Variants in MAEL observed in about 807,000 individuals in gnomAD.
The protein encoded by MAEL is protein maelstrom homolog.
A neutral mutation model predicts 62.0 loss-of-function variants in MAEL; 46 were observed. That is an observed-to-expected ratio of 0.74 (90% confidence interval 0.59 to 0.95). The LOEUF (loss-of-function observed/expected upper bound fraction) is 0.95. Ranked by LOEUF, MAEL falls within the 40% of genes least tolerant of loss-of-function variation. The pLI, the probability that MAEL is intolerant of heterozygous loss-of-function variation, is 0.00. For synonymous variants in MAEL, 172 were observed against 175.5 expected (o/e 0.98, Z 0.16); for missense variants, 497 against 526.8 (o/e 0.94, Z 0.55).
At chr1:166,985,347 T>C (rs1663880532), upstream of MAEL, among the ~76,000 whole-genome samples, 1 of 152,084 alleles carries the variant, frequency 6.6e-6, no homozygotes, top group African/African-American at 2.4e-5. Flanking sequence ...TCTGGAGATA[T>C]GGTAAGGATC....
intron 5 of MAEL, among the ~76,000 whole-genome samples, chr1:167,003,111 G>A (rs2102093731): frequency 6.6e-6 from 1 of 152,234 alleles, no homozygotes; most frequent in South Asian, 2.1e-4. Flanking sequence ...AAAGGGGAAT[G>A]GAGTTCTTGC....
chr1:167,004,668 CA>C (rs1349654890), intron 6 of MAEL, among the ~76,000 whole-genome samples: 1 of 152,180 alleles, frequency 6.6e-6, no homozygotes, highest in Non-Finnish European at 1.5e-5. Context: ...GTCTTTGTAG[CA>C]ATCCCTTCCT....
intron 8 of MAEL, among the ~76,000 whole-genome samples, chr1:167,015,873 A>AT (rs976099970): frequency 6.6e-6 from 1 of 152,084 alleles, no homozygotes; most frequent in African/African-American, 2.4e-5. Context: ...AATAATTTCT[A>AT]TTTTTTCAAT....
intron 1 of MAEL, among the ~76,000 whole-genome samples, chr1:166,981,550 T>TATA (rs550625333): frequency 6.6e-6 from 1 of 152,082 alleles, no homozygotes; most frequent in Non-Finnish European, 1.5e-5. Context: ...GGGCCTGTAT[T>TATA]AGGACATGTA....
chr1:167,022,101 C>A lies in MAEL; in HGVS notation c.*246C>A. The stretch of plus-strand genomic sequence containing the variant: ...TGGGTATATCATTAAAGTTTGGAGT[C>A]CTATATGAACAAAACTGACATTTTT... On this transcript the variant is annotated 3_prime_UTR_variant, in exon 12 of 12. Transcript: ENST00000367872. The A allele has an allele frequency of 2.7e-6, 1 of 370,242 alleles. No homozygotes were observed. Among genetic ancestry groups the A allele is most frequent in the South Asian group, 5.9e-5 (1 of 16,876 alleles). 22.9% of individuals were successfully genotyped at this position (370,242 alleles called of 1,614,324 possible).
intron 1 of MAEL, among the ~76,000 whole-genome samples, chr1:166,979,273 T>C (rs1571230118): frequency 6.6e-6 from 1 of 152,100 alleles, no homozygotes; most frequent in African/African-American, 2.4e-5. Flanking sequence ...GTAAGTTTGG[T>C]CCATCTTTTT....
chr1:167,018,494 CT>C (rs1665488349), intron 10 of MAEL, among the ~76,000 whole-genome samples: 1 of 151,990 alleles, frequency 6.6e-6, no homozygotes, highest in Non-Finnish European at 1.5e-5. Flanking sequence ...ATGCACAATA[CT>C]TGAACTGTCT....
chr1:166,986,765 G>A (rs182542372), upstream of MAEL, among the ~76,000 whole-genome samples: 30 of 152,194 alleles, frequency 2.0e-4, 1 homozygote, highest in South Asian at 2.3e-3. Context: ...ACAGCCTGAA[G>A]TAGAAAGAAG....
intron 6 of MAEL, among the ~76,000 whole-genome samples, 182 bp downstream of exon 6, chr1:167,004,486 G>A (rs1307235670): frequency 6.9e-6 from 1 of 145,096 alleles, no homozygotes; most frequent in East Asian, 1.9e-4. Context: ...TCCAATTTTG[G>A]AGGGATTTTG....
At chr1:167,005,843 T>G (rs898763360) in intron 8 of MAEL, 3 of 152,526 alleles carry the variant, frequency 2.0e-5, no homozygotes, top group Non-Finnish European at 4.4e-5. Context: ...TTCTTTATAA[T>G]TTTGTTTCTA....
Position 167,021,888 on chromosome 1 carries a change from A to T in MAEL, c.*33A>T, listed in dbSNP as rs1172658306. The stretch of plus-strand genomic sequence containing the variant: ...ACTCTTTTCAATTTCTGAAAACAGT[A>T]ACAGGCCCAACTTCCTTCTTACTAC... On this transcript the variant is annotated 3_prime_UTR_variant, in exon 12 of 12. Transcript: ENST00000367872. The T allele has an allele frequency of 4.9e-6, 7 of 1,426,088 alleles. No homozygotes were observed. Among genetic ancestry groups the T allele is most frequent in the African/African-American group, 1.4e-5 (1 of 70,856 alleles). 88.3% of individuals were successfully genotyped at this position (1,426,088 alleles called of 1,614,324 possible).
Position 166,989,443 on chromosome 1 carries a change from C to T in MAEL, c.91C>T (p.Arg31Cys), listed in dbSNP as rs141032216. Reference sequence around the variant, plus strand: ...ACGGCGACGAGGCCTGCCTGTGGCTCGCGTTGCTGATGCCATCCCTTACTG... The same window carrying T: ...ACGGCGACGAGGCCTGCCTGTGGCTTGCGTTGCTGATGCCATCCCTTACTG... Reference protein sequence around the residue: ...ELRRRGLPVARVADAIPYCSS... With the variant: ...ELRRRGLPVACVADAIPYCSS... Residue 31 changes from arginine to cysteine, a missense_variant, in exon 1 of 12, where the codon CGC becomes TGC. Coordinates refer to ENST00000367872, the MANE Select transcript of MAEL (RefSeq NM_032858.3). The T allele has an allele frequency of 2.1e-5, 34 of 1,591,530 alleles. No individual in the cohort carries two copies. Among genetic ancestry groups the T allele is most frequent in the South Asian group, 5.7e-5 (5 of 87,542 alleles).
intron 3 of MAEL, 100 bp downstream of exon 3, chr1:166,991,577 C>T: frequency 1.4e-6 from 1 of 711,466 alleles, no homozygotes. Context: ...TCCTCCGTTT[C>T]AAAGTAAATA....
At chr1:166,986,584 T>C (rs545226240), upstream of MAEL, among the ~76,000 whole-genome samples, 6 of 152,100 alleles carry the variant, frequency 3.9e-5, no homozygotes, top group African/African-American at 1.4e-4. Flanking sequence ...AACAGCAGAA[T>C]GAAGAAAAAT....
At chr1:167,016,389 C>T in intron 9 of MAEL, 105 bp downstream of exon 9, 1 of 1,012,214 alleles carries the variant, frequency 9.9e-7, no homozygotes, top group Non-Finnish European at 1.5e-6. Context: ...TCTGTTTCCA[C>T]AATGCTCTTT....
At chr1:167,001,943 G>A (rs1026558998) in intron 5 of MAEL, among the ~76,000 whole-genome samples, 3 of 152,116 alleles carry the variant, frequency 2.0e-5, no homozygotes, top group Admixed American at 2.0e-4. Flanking sequence ...CACACGCCCA[G>A]CTAATTTTTG....
chr1:167,010,887 T>C (rs1665144837), intron 8 of MAEL, among the ~76,000 whole-genome samples: 1 of 152,218 alleles, frequency 6.6e-6, no homozygotes, highest in Non-Finnish European at 1.5e-5. Context: ...AGAACCTTCC[T>C]CTCTGTCAAT....
rs535053464 is a variant in MAEL, at chr1:166,995,418, T to C, written c.523+1349T>C. 2.6e-5 allele frequency among the ~76,000 whole-genome samples: 4 copies of C among 152,246 alleles called. No homozygotes were observed. The East Asian group carries it at 7.7e-4, about 29-fold the overall frequency. ...CCACACCCGGCTACTTTTGTATTTT[T>C]TGTAGAGCGGGGGTTTCTCCATGTT... On this transcript the variant is annotated intron_variant, in intron 5 of 11. Transcript: ENST00000367872.
intron 8 of MAEL, among the ~76,000 whole-genome samples, chr1:167,015,619 A>G (rs1212252131): frequency 1.3e-5 from 2 of 152,152 alleles, no homozygotes; most frequent in Non-Finnish European, 2.9e-5. Flanking sequence ...TACACAAATT[A>G]TTTCCGTCAT....
Sources: allele counts gnomAD v4.1 joint callset (sites outside exome capture counted in the v4.1 genomes callset), GRCh38; gene constraint gnomAD v4.1.1; transcripts MANE v1.5; gene names NCBI Gene and HGNC (gene_info 2026-07-23, HGNC 2026-07-21).